IMPACT: variants seen among roughly 807,000 people sequenced by gnomAD.
IMPACT encodes impact RWD domain protein.
A neutral mutation model predicts 47.5 loss-of-function variants in IMPACT; 35 were observed. The observed-to-expected ratio is 0.74, with a 90% confidence interval of 0.56 to 0.98. IMPACT has a LOEUF of 0.98. IMPACT is among the 50% of genes least tolerant of loss of function. The pLI is 0.00. For synonymous variants in IMPACT, 118 were observed against 125.6 expected, an observed-to-expected ratio of 0.94 and a Z score of 0.40; for missense variants, 373 against 394.8, an observed-to-expected ratio of 0.94 and a Z score of 0.47.
intron 6 of IMPACT, among the ~76,000 whole-genome samples, chr18:24,441,050 G>C (rs1254507795): frequency 6.6e-6 from 1 of 152,088 alleles, no homozygotes; most frequent in African/African-American, 2.4e-5. Context: ...ATGCCTTTAA[G>C]AGGTTTTTTT....
intron 6 of IMPACT, among the ~76,000 whole-genome samples, chr18:24,442,150 C>CT (rs397965432): frequency 0.14 from 16,118 of 116,486 alleles, 1,296 homozygotes; most frequent in East Asian, 0.24. Flanking sequence ...ATTAGTGATT[C>CT]TTTTTTTTTT....
chr18:24,432,081 G>T (rs1336728517), intron 4 of IMPACT, among the ~76,000 whole-genome samples: 4 of 152,052 alleles, frequency 2.6e-5, no homozygotes, highest in Non-Finnish European at 2.9e-5. Flanking sequence ...CAAACTCCTG[G>T]CCTCAAGCAG....
intron 9 of IMPACT, among the ~76,000 whole-genome samples, chr18:24,448,981 C>T (rs1481921058): frequency 6.6e-6 from 1 of 152,126 alleles, no homozygotes; most frequent in Non-Finnish European, 1.5e-5. Flanking sequence ...CTAACAAGGC[C>T]TTTCCCTTGA....
intron 6 of IMPACT, among the ~76,000 whole-genome samples, chr18:24,441,700 C>T (rs1169090610): frequency 1.3e-5 from 2 of 152,054 alleles, no homozygotes; most frequent in African/African-American, 4.8e-5. Context: ...TTAAAAGGTG[C>T]TCTGAGTTTT....
chr18:24,427,789 C>A, intron 1 of IMPACT, 130 bp from the exon 2 acceptor site: 1 of 795,632 alleles, frequency 1.3e-6, no homozygotes. Flanking sequence ...AAACTCTTGG[C>A]CTGGTGAGGC....
Position 24,440,619 on chromosome 18 carries a change from G to A in IMPACT, c.490+1G>A, listed in dbSNP as rs747954357. On this transcript the variant is annotated splice_donor_variant, in intron 6 of 10. Transcript: ENST00000284202. LOFTEE classifies it high-confidence loss of function. ...TTTGATATCAGTGAAACTCGGACAG[G>A]TATAATGTTACTAACTAATTTCTTT... 1.1e-5 allele frequency: 17 copies of A among 1,604,944 alleles called. No homozygotes were observed. The South Asian group carries it at 1.7e-4, about 16-fold the overall frequency.
Position 24,428,919 on chromosome 18 carries a change from G to A in IMPACT, c.216G>A (p.Leu72=). The part of the protein sequence containing the change: ...YPGTAPPIYQ[L]NAPWLKGQER... ...GTACAGCTCCACCTATCTACCAGTT[G>A]AAGTAAGCTGTATTTCTACGTTTAT... The change falls in exon 3 of 11, where the codon TTG becomes TTA. Residue 72 remains leucine (L), a splice_region_variant and synonymous_variant. Coordinates refer to ENST00000284202, the MANE Select transcript of IMPACT (RefSeq NM_018439.4). 1 of 1,603,296 alleles carries A rather than the reference G, an allele frequency of 6.2e-7. No individual in the cohort carries two copies. The highest frequency in any genetic ancestry group is 8.5e-7 in the Non-Finnish European group (1 of 1,171,236).
At chr18:24,444,443 C>A (rs1909197457) in intron 7 of IMPACT, among the ~76,000 whole-genome samples, 1 of 152,206 alleles carries the variant, frequency 6.6e-6, no homozygotes, top group Non-Finnish European at 1.5e-5. Context: ...TTCTTCCATA[C>A]TTCTTGCCAT....
At chr18:24,437,909 T>A in intron 4 of IMPACT, 46 bp from the exon 5 acceptor site, 1 of 886,074 alleles carries the variant, frequency 1.1e-6, no homozygotes, top group Non-Finnish European at 1.9e-6. Flanking sequence ...TTTGAGAAGA[T>A]GATTTTTGAA....
At chr18:24,429,639 G>A (rs865990906) in intron 3 of IMPACT, 2 of 151,454 alleles carry the variant, frequency 1.3e-5, no homozygotes, top group Admixed American at 6.6e-5. Flanking sequence ...ACTAGAATTT[G>A]TACCTATTAG....
At chr18:24,430,826 A>G (rs1488188378) in intron 4 of IMPACT, among the ~76,000 whole-genome samples, 1 of 152,224 alleles carries the variant, frequency 6.6e-6, no homozygotes, top group African/African-American at 2.4e-5. Flanking sequence ...AAATTCAGAG[A>G]TACTGCTCTT....
In IMPACT at chr18:24,434,844, G is replaced by GTGTGTATATATA. The variant is rs59404866; in HGVS notation, c.282-3057_282-3046dup. ...GTGTATTATATAAGTGTATATATAT[G>GTGTGTATATATA]TGTGTATATATATGTGTATATATAT... On this transcript the variant is annotated intron_variant, in intron 4 of 10. Coordinates refer to ENST00000284202, the MANE Select transcript of IMPACT (RefSeq NM_018439.4). Among the ~76,000 whole-genome samples, 424 of 128,610 alleles carry GTGTGTATATATA rather than the reference G, an allele frequency of 3.3e-3. 8 individuals carry two copies. The highest frequency in any genetic ancestry group is 7.9e-3 in the Middle Eastern group (2 of 252). The allele number at this position is 128,610 out of a possible 152,430, so 84.4% of individuals were successfully genotyped here. A position where few individuals can be genotyped will look rare whatever the true frequency, so the allele number is the denominator to read the frequency against.
In IMPACT at chr18:24,434,844, GTGTGTATATATA is replaced by G. The variant is rs59404866; in HGVS notation, c.282-3057_282-3046del. 5.0e-3 allele frequency among the ~76,000 whole-genome samples: 647 copies of G among 128,840 alleles called. 62 individuals are homozygous for G. Among genetic ancestry groups the G allele is most frequent in the South Asian group, 0.021 (87 of 4,166 alleles). 84.5% of individuals were successfully genotyped at this position (128,840 alleles called of 152,430 possible). On this transcript the variant is annotated intron_variant, in intron 4 of 10. Coordinates refer to ENST00000284202, the MANE Select transcript of IMPACT (RefSeq NM_018439.4). Reference sequence around the variant, plus strand: ...GTGTATTATATAAGTGTATATATATGTGTGTATATATATGTGTATATATATGTGTATATATAT... The same window carrying G: ...GTGTATTATATAAGTGTATATATATGTGTGTATATATATGTGTATATATAT...
At chr18:24,438,165 A>C (rs1791254) in intron 5 of IMPACT, 125 bp downstream of exon 5, 480,601 of 527,152 alleles carry the variant, frequency 0.91, 220,039 homozygotes, top group Admixed American at 0.96. Flanking sequence ...ATTATAAAAT[A>C]CAAGTTTCTC....
At chr18:24,430,014 T>A (rs546121106) in intron 3 of IMPACT, among the ~76,000 whole-genome samples, 1 of 152,108 alleles carries the variant, frequency 6.6e-6, no homozygotes, top group Non-Finnish European at 1.5e-5. Flanking sequence ...CCTGACCTCG[T>A]GATCTGCCCG....
intron 8 of IMPACT, among the ~76,000 whole-genome samples, chr18:24,447,113 T>G (rs923316578): frequency 2.0e-5 from 3 of 152,214 alleles, no homozygotes; most frequent in African/African-American, 7.2e-5. Context: ...TTAACTTTAA[T>G]GTTCATAGTA....
At chr18:24,431,734 C>G (rs1422237711) in intron 4 of IMPACT, among the ~76,000 whole-genome samples, 1 of 152,012 alleles carries the variant, frequency 6.6e-6, no homozygotes, top group Non-Finnish European at 1.5e-5. Flanking sequence ...TGGAAGCTCA[C>G]TCTGTTGCCC....
At chr18:24,433,813 G>A (rs1188982762) in intron 4 of IMPACT, among the ~76,000 whole-genome samples, 1 of 149,736 alleles carries the variant, frequency 6.7e-6, no homozygotes, top group Admixed American at 6.6e-5. Context: ...TGGGATTACA[G>A]GTGTGCACCA....
intron 9 of IMPACT, 138 bp from the exon 10 acceptor site, chr18:24,449,681 C>G (rs1909329685): frequency 3.0e-6 from 2 of 673,416 alleles, no homozygotes; most frequent in Non-Finnish European, 5.1e-6. Flanking sequence ...TGCCTACTCA[C>G]TCATATGGCT....
Sources: gnomAD v4.1 joint callset for allele counts (sites outside exome capture counted in the v4.1 genomes callset) on GRCh38, gnomAD v4.1.1 for gene constraint, MANE v1.5 for transcripts, NCBI Gene and HGNC (gene_info 2026-07-23, HGNC 2026-07-21) for gene names.